Variants in LRRC7 observed in about 807,000 individuals in gnomAD.
LRRC7 encodes leucine-rich repeat-containing protein 7.
LRRC7 carries 23 observed loss-of-function variants against 175.7 expected under a neutral mutation model. The observed-to-expected ratio is 0.13, with a 90% CI of 0.09 to 0.19. The LOEUF (loss-of-function observed/expected upper bound fraction) is 0.19. Among genes scored for constraint, LRRC7 ranks in the 10% least tolerant of loss-of-function variants. The probability of loss-of-function intolerance (pLI) is 1.00; values close to 1 mark genes in which losing one functional copy is unlikely to be tolerated. For missense variants in LRRC7, 1,354 were observed against 1,904.7 expected, an observed-to-expected ratio of 0.71 and a Z score of 5.38; for synonymous variants, 685 against 680.9, an observed-to-expected ratio of 1.01 and a Z score of -0.09.
chr1:69,779,463 T>C lies in LRRC7; in HGVS notation c.304-12580T>C, dbSNP rs529034425. On this transcript the variant is annotated intron_variant, in intron 3 of 26. Transcript: ENST00000651989. ...CAAGGATATGTAAGTTAAATAACAT[T>C]TTCATTTAAATATTTTAATGCAAAT... Among the ~76,000 whole-genome samples the C allele has an allele frequency of 3.1e-4, 47 of 152,318 alleles. 1 individual carries two copies. Among genetic ancestry groups the C allele is most frequent in the Middle Eastern group, 6.8e-3 (2 of 294 alleles).
At chr1:69,793,949 G>A (rs1675419586) in intron 4 of LRRC7, among the ~76,000 whole-genome samples, 1 of 150,794 alleles carries the variant, frequency 6.6e-6, no homozygotes, top group East Asian at 1.9e-4. Context: ...GAATCACTGT[G>A]GATAAGACTG....
At chr1:69,670,030 A>G (rs920495741) in intron 1 of LRRC7, among the ~76,000 whole-genome samples, 2 of 152,144 alleles carry the variant, frequency 1.3e-5, no homozygotes, top group African/African-American at 4.8e-5. Flanking sequence ...ACTATTTTGA[A>G]TTATCTGTCT....
chr1:69,617,339 G>C (rs1051207975), intron 1 of LRRC7, among the ~76,000 whole-genome samples: 44 of 151,726 alleles, frequency 2.9e-4, no homozygotes, highest in African/African-American at 9.9e-4. Flanking sequence ...ATGAGAGGAG[G>C]GACCACATCT....
At chr1:69,686,171 G>T (rs1284412584) in intron 2 of LRRC7, among the ~76,000 whole-genome samples, 6 of 152,100 alleles carry the variant, frequency 3.9e-5, no homozygotes, top group Non-Finnish European at 8.8e-5. Flanking sequence ...CTTCAGCAAT[G>T]AAGGAGAAAT....
At chr1:70,104,619 T>G (rs970578784) in intron 25 of LRRC7, among the ~76,000 whole-genome samples, 2 of 152,104 alleles carry the variant, frequency 1.3e-5, no homozygotes, top group African/African-American at 4.8e-5. Flanking sequence ...AAAGACATAA[T>G]AAAGTGAAAT....
At chr1:69,612,241 T>C (rs1301069314) in intron 1 of LRRC7, among the ~76,000 whole-genome samples, 1 of 152,044 alleles carries the variant, frequency 6.6e-6, no homozygotes, top group Non-Finnish European at 1.5e-5. Flanking sequence ...TTTTTCAGAC[T>C]TAAGAATTAA....
At chr1:69,965,498 C>G (rs906960825) in intron 8 of LRRC7, among the ~76,000 whole-genome samples, 4 of 152,020 alleles carry the variant, frequency 2.6e-5, no homozygotes, top group African/African-American at 9.7e-5. Flanking sequence ...CACATCTTAG[C>G]AGTACATTTT....
chr1:70,001,015 G>A (rs373877120), intron 11 of LRRC7, among the ~76,000 whole-genome samples: 7 of 151,862 alleles, frequency 4.6e-5, no homozygotes, highest in African/African-American at 1.2e-4. Context: ...GATACTTTTC[G>A]CAACCTATAA....
intron 7 of LRRC7, among the ~76,000 whole-genome samples, chr1:69,925,151 C>G (rs1341232330): frequency 6.6e-6 from 1 of 152,090 alleles, no homozygotes; most frequent in Non-Finnish European, 1.5e-5. Context: ...GGATGAAGCC[C>G]ACTTGATCAT....
intron 24 of LRRC7, among the ~76,000 whole-genome samples, chr1:70,086,022 C>T (rs1663581575): frequency 6.6e-6 from 1 of 152,190 alleles, no homozygotes; most frequent in African/African-American, 2.4e-5. Context: ...GAATAACTGA[C>T]ATTCCTTCTA....
chr1:70,089,842 A>G, intron 25 of LRRC7, 23 bp downstream of exon 25: 1 of 1,483,926 alleles, frequency 6.7e-7, no homozygotes, highest in Non-Finnish European at 9.3e-7. Flanking sequence ...TATCTTGTTG[A>G]CAATATTAAT....
chr1:69,616,920 C>A (rs917515978), intron 1 of LRRC7, among the ~76,000 whole-genome samples: 1 of 152,006 alleles, frequency 6.6e-6, no homozygotes, highest in Non-Finnish European at 1.5e-5. Flanking sequence ...GTGAGAGGAA[C>A]GTATGTTCAT....
chr1:69,826,780 A>C (rs1156261024), intron 5 of LRRC7, among the ~76,000 whole-genome samples: 1 of 152,144 alleles, frequency 6.6e-6, no homozygotes, highest in African/African-American at 2.4e-5. Flanking sequence ...TAATGGATGG[A>C]GTATTTTTAG....
chr1:70,119,113 C>T (rs1416162437), intron 26 of LRRC7, among the ~76,000 whole-genome samples: 3 of 151,434 alleles, frequency 2.0e-5, no homozygotes, highest in Middle Eastern at 3.4e-3. Context: ...TTATTCTGCA[C>T]ATACTGTTAC....
intron 21 of LRRC7, among the ~76,000 whole-genome samples, chr1:70,040,454 A>G (rs758463575): frequency 3.9e-5 from 6 of 152,220 alleles, no homozygotes; most frequent in Non-Finnish European, 7.3e-5. Context: ...TGATGTCTTT[A>G]TGAAGACAGC....
At chr1:69,851,015 A>G (rs76897093) in intron 7 of LRRC7, among the ~76,000 whole-genome samples, 36 of 152,276 alleles carry the variant, frequency 2.4e-4, no homozygotes, top group African/African-American at 8.2e-4. Flanking sequence ...CCTATAAAAG[A>G]TTATGAGAGT....
chr1:70,071,922 AC>A (rs1192691506), intron 23 of LRRC7, among the ~76,000 whole-genome samples: 5 of 152,048 alleles, frequency 3.3e-5, no homozygotes, highest in South Asian at 4.2e-4. Flanking sequence ...ATTATACAAA[AC>A]CTCCCAAATA....
intron 3 of LRRC7, among the ~76,000 whole-genome samples, chr1:69,791,496 A>T (rs970914077): frequency 1.3e-5 from 2 of 152,052 alleles, no homozygotes; most frequent in African/African-American, 4.8e-5. Flanking sequence ...TTTTTTCACC[A>T]AATATCAGAG....
intron 1 of LRRC7, among the ~76,000 whole-genome samples, chr1:69,671,670 A>C (rs1659093688): frequency 6.6e-6 from 1 of 152,048 alleles, no homozygotes; most frequent in Non-Finnish European, 1.5e-5. Flanking sequence ...CTGGAGCTCA[A>C]TTTCCTGCTG....
Sources: allele counts gnomAD v4.1 joint callset (sites outside exome capture counted in the v4.1 genomes callset), GRCh38; gene constraint gnomAD v4.1.1; transcripts MANE v1.5; gene names NCBI Gene and HGNC (gene_info 2026-07-23, HGNC 2026-07-21).